Variants in TBC1D1 observed in about 807,000 individuals in gnomAD.
TBC1D1 encodes TBC1 domain family member 1.
TBC1D1 carries 89 observed loss-of-function variants against 125.6 expected under a neutral mutation model. The ratio of observed to expected loss-of-function variants is 0.71; its 90% CI spans 0.60 to 0.85. The LOEUF (loss-of-function observed/expected upper bound fraction) is 0.85, where lower values mean the gene tolerates loss of function less well. TBC1D1 is among the 40% of genes least tolerant of loss of function. The pLI, the probability that TBC1D1 is intolerant of heterozygous loss-of-function variation, is 0.00. For missense variants in TBC1D1, 1,377 were observed against 1,469.2 expected (o/e 0.94, Z 1.03); for synonymous variants, 565 against 564.1 (o/e 1.00, Z -0.02).
Position 38,014,377 on chromosome 4 carries a change from T to A in TBC1D1, c.418-132T>A, listed in dbSNP as rs577088523. The stretch of plus-strand genomic sequence containing the variant: ...CTAGTCCCCTCCCGTGGGCTCCTCC[T>A]CCAGTGGGCTCCTCCTCCAGTGCTC... On this transcript the variant is annotated intron_variant, in intron 2 of 19. Coordinates refer to ENST00000261439, the MANE Select transcript of TBC1D1 (RefSeq NM_015173.4). This position sits in a 1 kb window ranked among gnomAD's most constrained non-coding sequence, Gnocchi z 5.1. 2 of 803,936 alleles carry A rather than the reference T, an allele frequency of 2.5e-6. No individual in the cohort carries two copies. The highest frequency in any genetic ancestry group is 3.4e-5 in the African/African-American group (2 of 58,484). 49.8% of individuals were successfully genotyped at this position (803,936 alleles called of 1,614,324 possible).
At chr4:37,924,674 G>A (rs924856407) in intron 2 of TBC1D1, among the ~76,000 whole-genome samples, 2 of 152,124 alleles carry the variant, frequency 1.3e-5, no homozygotes, top group Admixed American at 6.5e-5. Context: ...TATTTTCAGG[G>A]CTTGTCTATG....
intron 13 of TBC1D1, among the ~76,000 whole-genome samples, chr4:38,095,491 G>A (rs918624899): frequency 6.6e-6 from 1 of 152,170 alleles, no homozygotes; most frequent in African/African-American, 2.4e-5. Context: ...GCTACCAAAT[G>A]GAGGTTTGGC....
intron 17 of TBC1D1, among the ~76,000 whole-genome samples, chr4:38,120,651 CG>C (rs1763695920): frequency 6.6e-6 from 1 of 152,170 alleles, no homozygotes; most frequent in South Asian, 2.1e-4. Context: ...CTTGGAGGGG[CG>C]GCTGCCAGTG....
intron 2 of TBC1D1, among the ~76,000 whole-genome samples, chr4:38,002,902 A>G (rs879624267): frequency 6.6e-6 from 1 of 152,226 alleles, no homozygotes; most frequent in Admixed American, 6.5e-5. Flanking sequence ...GGATCCCAGA[A>G]CAGACCAGTT....
chr4:38,034,474 G>GTTAAGAAAGGACTGGGTTTCT (rs1176372457), intron 7 of TBC1D1, among the ~76,000 whole-genome samples: 1 of 152,104 alleles, frequency 6.6e-6, no homozygotes, highest in Admixed American at 6.5e-5. Flanking sequence ...AATCTTTTTC[G>GTTAAGAAAGGACTGGGTTTCT]TTAAGAAAGG....
At chr4:38,093,538 T>C (rs1758803381) in intron 13 of TBC1D1, among the ~76,000 whole-genome samples, 1 of 150,366 alleles carries the variant, frequency 6.7e-6, no homozygotes, top group African/African-American at 2.4e-5. Context: ...TTTTTTTTTT[T>C]TTTGAGACAG....
At chr4:38,120,483 C>CT (rs1333606367) in intron 17 of TBC1D1, among the ~76,000 whole-genome samples, 2 of 152,274 alleles carry the variant, frequency 1.3e-5, no homozygotes, top group South Asian at 4.1e-4. Flanking sequence ...TCACTATAGT[C>CT]TTTTTTGGCC....
chr4:38,079,312 T>G (rs1291689064), intron 12 of TBC1D1, among the ~76,000 whole-genome samples: 1 of 151,680 alleles, frequency 6.6e-6, no homozygotes, highest in African/African-American at 2.4e-5. Context: ...GTTGTTGATC[T>G]GGATTAGCAG....
intron 2 of TBC1D1, among the ~76,000 whole-genome samples, chr4:37,973,624 G>A (rs1191996534): frequency 2.0e-5 from 3 of 151,956 alleles, no homozygotes; most frequent in Admixed American, 2.0e-4. Context: ...CATTTGTCCT[G>A]GGTTCAGCTT....
Position 37,980,069 on chromosome 4 carries a change from G to A in TBC1D1, c.418-34440G>A, listed in dbSNP as rs376005037. On this transcript the variant is annotated intron_variant, in intron 2 of 19. Transcript: ENST00000261439. ...GCTGGGATTACAGGTGTGAGCCACC[G>A]CCCCCGGCCAAGCATGAATGTGTTT... Among the ~76,000 whole-genome samples, 326 of 152,300 alleles carry A rather than the reference G, an allele frequency of 2.1e-3. 1 individual carries two copies. Among genetic ancestry groups the A allele is most frequent in the African/African-American group, 7.5e-3 (310 of 41,570 alleles).
intron 19 of TBC1D1, among the ~76,000 whole-genome samples, chr4:38,136,368 T>G (rs1001552753): frequency 6.6e-6 from 1 of 152,178 alleles, no homozygotes; most frequent in Non-Finnish European, 1.5e-5. Flanking sequence ...GAACAGTCAG[T>G]GAGACCAGGC....
chr4:38,093,026 C>T (rs1210245358), intron 13 of TBC1D1, among the ~76,000 whole-genome samples: 1 of 152,138 alleles, frequency 6.6e-6, no homozygotes. Flanking sequence ...TGGCCCCGGG[C>T]TAAGAATCCA....
At chr4:38,007,999 A>C (rs76743316) in intron 2 of TBC1D1, among the ~76,000 whole-genome samples, 1 of 152,206 alleles carries the variant, frequency 6.6e-6, no homozygotes, top group African/African-American at 2.4e-5. Context: ...CCCACCTCCA[A>C]ACAAGCTGCT....
intron 2 of TBC1D1, among the ~76,000 whole-genome samples, chr4:38,010,992 A>C (rs1171987379): frequency 6.6e-6 from 1 of 152,240 alleles, no homozygotes; most frequent in African/African-American, 2.4e-5. Flanking sequence ...TCCAGGACAG[A>C]GTTAGAAGGA....
chr4:38,060,722 G>A, intron 12 of TBC1D1: 1 of 1,037,436 alleles, frequency 9.6e-7, no homozygotes, highest in South Asian at 1.4e-5. Context: ...TGATTAAGAG[G>A]CTTTCTTCAG....
At chr4:38,109,618 GC>G (rs1761907797) in intron 15 of TBC1D1, among the ~76,000 whole-genome samples, 2 of 152,168 alleles carry the variant, frequency 1.3e-5, no homozygotes, top group African/African-American at 4.8e-5. Context: ...GGCTCACAGA[GC>G]CAGTGGGAGT....
chr4:38,065,228 G>A (rs1201813759), intron 12 of TBC1D1, among the ~76,000 whole-genome samples: 1 of 152,166 alleles, frequency 6.6e-6, no homozygotes, highest in African/African-American at 2.4e-5. Context: ...GATTATAGGT[G>A]TGAGCCACTG....
At chr4:38,027,244 G>T (rs753895890) in intron 6 of TBC1D1, among the ~76,000 whole-genome samples, 4 of 152,176 alleles carry the variant, frequency 2.6e-5, no homozygotes, top group Non-Finnish European at 5.9e-5. Context: ...GAATTAAATG[G>T]TGCAAGCTTA....
At chr4:38,079,523 A>G (rs1224854401) in intron 12 of TBC1D1, among the ~76,000 whole-genome samples, 1 of 152,066 alleles carries the variant, frequency 6.6e-6, no homozygotes, top group Non-Finnish European at 1.5e-5. Context: ...CAGGAGTTCG[A>G]CACCTGACTT....
Sources: allele counts gnomAD v4.1 joint callset (sites outside exome capture counted in the v4.1 genomes callset), GRCh38; gene constraint gnomAD v4.1.1; non-coding constraint Gnocchi (gnomAD v3.1); transcripts MANE v1.5; gene names NCBI Gene and HGNC (gene_info 2026-07-23, HGNC 2026-07-21).